The following MKLN1 variants were observed in gnomAD, a reference collection of about 807,000 sequenced individuals.
The protein encoded by MKLN1 is muskelin 1, also known as muskelin.
In MKLN1, 18 loss-of-function variants were observed where a neutral mutation model predicts 99.0. The ratio of observed to expected loss-of-function variants is 0.18; its 90% CI spans 0.13 to 0.27. The LOEUF is 0.27. Ranked by LOEUF, MKLN1 falls within the 10% of genes least tolerant of loss-of-function variation. The pLI is 1.00. For synonymous variants in MKLN1, 288 were observed against 293.2 expected (o/e 0.98, Z 0.18); for missense variants, 621 against 875.9 (o/e 0.71, Z 3.67).
intron 2 of MKLN1, among the ~76,000 whole-genome samples, chr7:131,189,538 A>AC (rs763141439): frequency 8.5e-4 from 110 of 129,908 alleles, no homozygotes; most frequent in Middle Eastern, 3.7e-3. Context: ...AAACAAACAA[A>AC]AAAAAAAACA....
At chr7:131,305,110 T>C (rs1429051986) in intron 3 of MKLN1, among the ~76,000 whole-genome samples, 2 of 152,214 alleles carry the variant, frequency 1.3e-5, no homozygotes, top group Non-Finnish European at 2.9e-5. Context: ...GATTGTGGAC[T>C]TCCAACCACC....
intron 6 of MKLN1, among the ~76,000 whole-genome samples, chr7:131,405,447 G>A (rs2116289507): frequency 6.6e-6 from 1 of 152,070 alleles, no homozygotes; most frequent in South Asian, 2.1e-4. Flanking sequence ...GTTATTTCCT[G>A]TGTCCTTGAC....
intron 3 of MKLN1, among the ~76,000 whole-genome samples, chr7:131,303,790 T>C (rs1350443321): frequency 6.6e-6 from 1 of 152,228 alleles, no homozygotes; most frequent in East Asian, 1.9e-4. Flanking sequence ...ATGAGAAGTG[T>C]TCAATGTGAA....
At chr7:131,170,266 G>A (rs1796197471) in intron 2 of MKLN1, among the ~76,000 whole-genome samples, 1 of 152,066 alleles carries the variant, frequency 6.6e-6, no homozygotes, top group South Asian at 2.1e-4. Context: ...TATAAAGTAG[G>A]CACAAATGTT....
chr7:131,222,109 G>A (rs1228790859), intron 3 of MKLN1, among the ~76,000 whole-genome samples: 1 of 151,936 alleles, frequency 6.6e-6, no homozygotes. Context: ...GTTGGCTAGG[G>A]TGATCTAGTG....
At chr7:131,408,804 A>AG (rs1321766397) in intron 6 of MKLN1, among the ~76,000 whole-genome samples, 1 of 152,202 alleles carries the variant, frequency 6.6e-6, no homozygotes, top group Non-Finnish European at 1.5e-5. Context: ...ATTGGAGAAA[A>AG]GAACAGCTTG....
At chr7:131,447,979 A>G (rs1252776329) in intron 12 of MKLN1, among the ~76,000 whole-genome samples, 1 of 152,232 alleles carries the variant, frequency 6.6e-6, no homozygotes, top group African/African-American at 2.4e-5. Flanking sequence ...CTGTAATCCC[A>G]GCAGTTTGGG....
chr7:131,172,506 AG>A (rs1254959551), intron 2 of MKLN1, among the ~76,000 whole-genome samples: 5 of 120,010 alleles, frequency 4.2e-5, no homozygotes. Context: ...TAGTAGAGAC[AG>A]GGTTTCACCA....
intron 17 of MKLN1, among the ~76,000 whole-genome samples, chr7:131,483,357 T>C (rs904037490): frequency 1.3e-5 from 2 of 152,218 alleles, no homozygotes; most frequent in African/African-American, 4.8e-5. Flanking sequence ...GTAATACATC[T>C]TTACACACAC....
intron 3 of MKLN1, among the ~76,000 whole-genome samples, chr7:131,265,865 A>G (rs1001132728): frequency 2.0e-5 from 3 of 152,052 alleles, no homozygotes; most frequent in Non-Finnish European, 4.4e-5. Context: ...TGCAGCACCA[A>G]CTCATTGTGA....
At chr7:131,427,707 C>G (rs1795398341) in intron 8 of MKLN1, among the ~76,000 whole-genome samples, 1 of 152,120 alleles carries the variant, frequency 6.6e-6, no homozygotes, top group Non-Finnish European at 1.5e-5. Flanking sequence ...GTGCCCGTCA[C>G]CACACCTGCC....
intron 3 of MKLN1, among the ~76,000 whole-genome samples, chr7:131,297,413 C>CTG (rs148107325): frequency 3.8e-4 from 57 of 148,854 alleles, no homozygotes; most frequent in South Asian, 4.2e-4. Flanking sequence ...CACAAATACT[C>CTG]TGTGTGTGTG....
chr7:131,174,640 G>A (rs933437435), intron 2 of MKLN1, among the ~76,000 whole-genome samples: 22 of 152,146 alleles, frequency 1.4e-4, no homozygotes, highest in Admixed American at 3.9e-4. Context: ...TGTGCCTGAC[G>A]TGATTAAACA....
intron 2 of MKLN1, among the ~76,000 whole-genome samples, chr7:131,152,357 A>G (rs536997496): frequency 1.3e-5 from 2 of 152,306 alleles, no homozygotes; most frequent in South Asian, 4.1e-4. Context: ...TTTAAAAGAT[A>G]AGGACTTGTA....
chr7:131,384,236 A>G (rs558676216), intron 2 of MKLN1, among the ~76,000 whole-genome samples: 92 of 95,916 alleles, frequency 9.6e-4, no homozygotes, highest in African/African-American at 3.7e-3. Context: ...CCCCACCCCT[A>G]CCAAGATATG....
chr7:131,398,704 A>T (rs898796858), intron 5 of MKLN1, among the ~76,000 whole-genome samples: 1 of 129,376 alleles, frequency 7.7e-6, no homozygotes, highest in Non-Finnish European at 1.8e-5. Context: ...AAAAGAAAGA[A>T]AAAAAAAAAG....
intron 9 of MKLN1, among the ~76,000 whole-genome samples, chr7:131,433,546 G>C (rs1252969180): frequency 6.6e-6 from 1 of 152,072 alleles, no homozygotes; most frequent in Non-Finnish European, 1.5e-5. Context: ...TCCCAAAATG[G>C]TTATACCATT....
intron 1 of MKLN1, among the ~76,000 whole-genome samples, chr7:131,123,159 GGA>G (rs1457503996): frequency 2.0e-5 from 3 of 151,846 alleles, no homozygotes; most frequent in African/African-American, 7.3e-5. Flanking sequence ...TCCTTGAACT[GGA>G]AATTTTAGGA....
intron 2 of MKLN1, among the ~76,000 whole-genome samples, chr7:131,191,598 C>A (rs1439265948): frequency 2.0e-5 from 3 of 152,080 alleles, no homozygotes; most frequent in African/African-American, 4.8e-5. Context: ...AGTTATCTTG[C>A]CTTCGTGTTA....
Sources: allele counts gnomAD v4.1 joint callset (sites outside exome capture counted in the v4.1 genomes callset), GRCh38; gene constraint gnomAD v4.1.1; transcripts MANE v1.5; gene names NCBI Gene and HGNC (gene_info 2026-07-23, HGNC 2026-07-21).